The following SLC2A13 variants were observed in gnomAD, a reference collection of about 807,000 sequenced individuals.
SLC2A13 encodes solute carrier family 2 member 13, also known as proton myo-inositol cotransporter.
Under a neutral mutation model 64.4 loss-of-function variants are expected in SLC2A13, and 32 were observed. The ratio of observed to expected loss-of-function variants is 0.50; its 90% confidence interval spans 0.37 to 0.67. The LOEUF (loss-of-function observed/expected upper bound fraction) is 0.67. Among genes scored for constraint, SLC2A13 ranks in the 30% least tolerant of loss-of-function variants. The probability of loss-of-function intolerance (pLI) is 0.00; values close to 1 mark genes in which losing one functional copy is unlikely to be tolerated. For synonymous variants in SLC2A13, 338 were observed against 327.1 expected (o/e 1.03, Z -0.36); for missense variants, 743 against 829.2 (o/e 0.90, Z 1.28).
At chr12:39,901,594 C>T (rs1945113303) in intron 4 of SLC2A13, among the ~76,000 whole-genome samples, 1 of 123,834 alleles carries the variant, frequency 8.1e-6, no homozygotes, top group African/African-American at 3.1e-5. Context: ...TGAAAAAATG[C>T]TCATCATCAC....
intron 7 of SLC2A13, chr12:39,802,397 C>G (rs1176348174): frequency 2.0e-5 from 3 of 151,922 alleles, no homozygotes; most frequent in African/African-American, 7.3e-5. Context: ...GTCTGAGAAA[C>G]AGAAAAAAGA....
chr12:39,856,849 A>T (rs559827296), intron 6 of SLC2A13, among the ~76,000 whole-genome samples: 1 of 152,350 alleles, frequency 6.6e-6, no homozygotes, highest in South Asian at 2.1e-4. Flanking sequence ...GTTTCATACA[A>T]ACTTAATTAA....
At chr12:40,016,192 A>C (rs914324986) in intron 3 of SLC2A13, among the ~76,000 whole-genome samples, 4 of 150,634 alleles carry the variant, frequency 2.7e-5, no homozygotes, top group Non-Finnish European at 5.9e-5. Context: ...ATACTACACC[A>C]CCCCCCCAAA....
At chr12:40,039,630 A>G (rs1471348661) in intron 2 of SLC2A13, among the ~76,000 whole-genome samples, 1 of 152,238 alleles carries the variant, frequency 6.6e-6, no homozygotes, top group Non-Finnish European at 1.5e-5. Flanking sequence ...ACCTAGAGAT[A>G]CTGCTTCACA....
intron 7 of SLC2A13, among the ~76,000 whole-genome samples, chr12:39,822,180 T>C (rs920246441): frequency 6.6e-5 from 10 of 151,540 alleles, no homozygotes; most frequent in Non-Finnish European, 1.2e-4. Context: ...TTTGGTTTTT[T>C]CTTCTTGCGA....
At chr12:40,045,791 T>C (rs982705865) in intron 2 of SLC2A13, among the ~76,000 whole-genome samples, 1 of 152,206 alleles carries the variant, frequency 6.6e-6, no homozygotes, top group African/African-American at 2.4e-5. Flanking sequence ...ACTGCAAATA[T>C]ATGTCTCCAG....
chr12:39,837,877 T>C (rs536921473), intron 6 of SLC2A13, among the ~76,000 whole-genome samples: 1 of 151,134 alleles, frequency 6.6e-6, no homozygotes, highest in East Asian at 2.0e-4. Context: ...ATAGAAACAC[T>C]TTTACACTGT....
chr12:39,760,127 A>G lies in SLC2A13; in HGVS notation c.1846T>C (p.Cys616Arg), dbSNP rs778111311. ...CCTTCATCAGAATCTGAAGTGCCAC[A>G]TGTACATAGCCTGTTGTCAAAGAGT... Reference protein sequence around the residue: ...ESLFDNRLCTCGTSDSDEGRY... With the variant: ...ESLFDNRLCTRGTSDSDEGRY... Residue 616 changes from cysteine to arginine, a missense_variant, in exon 10 of 10, where the codon TGT becomes CGT. Cys to Arg is a radical substitution (Grantham distance 180). Coordinates refer to ENST00000280871, the MANE Select transcript of SLC2A13 (RefSeq NM_052885.4). The G allele has an allele frequency of 6.2e-7, 1 of 1,613,062 alleles. No individual in the cohort carries two copies. The highest frequency in any genetic ancestry group is 8.5e-7 in the Non-Finnish European group (1 of 1,179,382).
intron 2 of SLC2A13, among the ~76,000 whole-genome samples, chr12:40,033,489 G>GT (rs1947934623): frequency 6.6e-6 from 1 of 152,222 alleles, no homozygotes; most frequent in Non-Finnish European, 1.5e-5. Context: ...ACTGGGCTGG[G>GT]TAACTGCAAG....
chr12:40,076,143 T>C (rs910551097), intron 1 of SLC2A13, among the ~76,000 whole-genome samples: 3 of 152,192 alleles, frequency 2.0e-5, no homozygotes, highest in Non-Finnish European at 2.9e-5. Context: ...CTGAACATGT[T>C]GGATATTATG....
chr12:39,830,363 A>C lies in SLC2A13; in HGVS notation c.1320-135T>G, dbSNP rs1230053979. 4.7e-5 allele frequency: 67 copies of C among 1,440,146 alleles called. No homozygotes were observed. The East Asian group carries it at 1.3e-3, about 29-fold the overall frequency. The allele number at this position is 1,440,146 out of a possible 1,614,324, so 89.2% of individuals were successfully genotyped here. On this transcript the variant is annotated intron_variant, in intron 6 of 9. Coordinates refer to ENST00000280871, the MANE Select transcript of SLC2A13 (RefSeq NM_052885.4). ...GGGGCCTTGGGACTTGTTTTGGCCA[A>C]GGAAAGTGACATGCGCTGAGCCAGG...
chr12:39,912,465 A>C lies in SLC2A13; in HGVS notation c.1034+38792T>G, dbSNP rs74086961. On this transcript the variant is annotated intron_variant, in intron 4 of 9. Coordinates refer to ENST00000280871, the MANE Select transcript of SLC2A13 (RefSeq NM_052885.4). ...ACCAAACTTAGCAAATAAAACAAACACTACAACTACAGCCAAGAAACCTTG... is the reference window on the plus strand; with the variant it reads ...ACCAAACTTAGCAAATAAAACAAACCCTACAACTACAGCCAAGAAACCTTG... 6.7e-3 allele frequency among the ~76,000 whole-genome samples: 1,019 copies of C among 152,166 alleles called. 14 individuals carry two copies. Among genetic ancestry groups the C allele is most frequent in the African/African-American group, 0.024 (980 of 41,458 alleles).
At chr12:39,926,361 CAT>C (rs1209205784) in intron 4 of SLC2A13, among the ~76,000 whole-genome samples, 1 of 152,136 alleles carries the variant, frequency 6.6e-6, no homozygotes, top group Non-Finnish European at 1.5e-5. Context: ...GGCATGTTAT[CAT>C]ATGTGCCTTC....
At chr12:40,002,712 C>T (rs1283889179) in intron 3 of SLC2A13, among the ~76,000 whole-genome samples, 1 of 152,074 alleles carries the variant, frequency 6.6e-6, no homozygotes, top group Admixed American at 6.6e-5. Context: ...TCAAAGTCCA[C>T]TGAGGAAGGT....
At chr12:39,941,445 AT>A (rs955882533) in intron 4 of SLC2A13, among the ~76,000 whole-genome samples, 1 of 151,860 alleles carries the variant, frequency 6.6e-6, no homozygotes, top group African/African-American at 2.4e-5. Context: ...CTGTTTTTTG[AT>A]TTTTTGATCA....
rs1167678287 is a variant in SLC2A13 at position 39,909,630 on chromosome 12, T to C, written c.1035-37669A>G. On this transcript the variant is annotated intron_variant, in intron 4 of 9. Transcript: ENST00000280871. ...AATGAAGATTCTGAAATAAGGTGAA[T>C]GTGAAACAGCCTAAGCTGTGAAGTC... 2.0e-5 allele frequency among the ~76,000 whole-genome samples: 3 copies of C among 152,210 alleles called. No homozygotes were observed. The East Asian group carries it at 5.8e-4, about 29-fold the overall frequency.
rs71075096 is a variant in SLC2A13 at position 39,896,446 on chromosome 12, A to ATG, written c.1035-24486_1035-24485insCA. Reference sequence around the variant, plus strand: ...TGTGTATATATGTATACATATATGTATATGTGTGTATATATGTATACATAT... The same window carrying ATG: ...TGTGTATATATGTATACATATATGTATGTATGTGTGTATATATGTATACATAT... On this transcript the variant is annotated intron_variant, in intron 4 of 9. Coordinates refer to ENST00000280871, the MANE Select transcript of SLC2A13 (RefSeq NM_052885.4). Among the ~76,000 whole-genome samples the ATG allele has an allele frequency of 3.6e-4, 47 of 131,934 alleles. 1 individual carries two copies. Among genetic ancestry groups the ATG allele is most frequent in the African/African-American group, 1.3e-3 (42 of 32,506 alleles). 86.6% of individuals were successfully genotyped at this position (131,934 alleles called of 152,430 possible). A position where few individuals can be genotyped will look rare whatever the true frequency, so the allele number is the denominator to read the frequency against.
At chr12:39,810,652 A>T (rs1197164927) in intron 7 of SLC2A13, among the ~76,000 whole-genome samples, 1 of 152,262 alleles carries the variant, frequency 6.6e-6, no homozygotes, top group East Asian at 1.9e-4. Flanking sequence ...GTTTCCTTCC[A>T]TTACCAGCCT....
intron 4 of SLC2A13, among the ~76,000 whole-genome samples, chr12:39,886,297 C>G (rs1197427951): frequency 3.9e-5 from 6 of 151,994 alleles, no homozygotes; most frequent in Non-Finnish European, 5.9e-5. Context: ...GCGCTGTGCC[C>G]TTTGATGTTC....
Sources: gnomAD v4.1 joint callset for allele counts (sites outside exome capture counted in the v4.1 genomes callset) on GRCh38, gnomAD v4.1.1 for gene constraint, MANE v1.5 for transcripts, NCBI Gene and HGNC (gene_info 2026-07-23, HGNC 2026-07-21) for gene names.